CTNNA2: variants seen among roughly 807,000 people sequenced by gnomAD.
CTNNA2 encodes catenin alpha 2.
In CTNNA2, 42 loss-of-function variants were observed where a neutral mutation model predicts 101.0. The observed-to-expected ratio is 0.42, with a 90% CI of 0.32 to 0.54. The LOEUF is 0.54. Ranked by LOEUF, CTNNA2 falls within the 20% of genes least tolerant of loss-of-function variation. The pLI is 0.14. For synonymous variants in CTNNA2, 450 were observed against 456.4 expected (o/e 0.99, Z 0.18); for missense variants, 871 against 1,223.1 (o/e 0.71, Z 4.29).
chr2:80,350,396 C>T (rs1241198557), intron 7 of CTNNA2, among the ~76,000 whole-genome samples: 1 of 152,094 alleles, frequency 6.6e-6, no homozygotes, highest in East Asian at 1.9e-4. Context: ...AGATAGATGC[C>T]CGCTAATCAT....
intron 4 of CTNNA2, among the ~76,000 whole-genome samples, chr2:79,412,717 AC>A (rs1678429799): frequency 6.6e-6 from 1 of 152,134 alleles, no homozygotes; most frequent in Non-Finnish European, 1.5e-5. Context: ...GACACAGCAT[AC>A]CAGAATCTCT....
chr2:80,564,873 G>A (rs146258430), intron 12 of CTNNA2, among the ~76,000 whole-genome samples: 7 of 152,232 alleles, frequency 4.6e-5, no homozygotes, highest in African/African-American at 7.2e-5. Context: ...TTTCAACTTC[G>A]AACCTGATGT....
At chr2:79,937,626 TACAATG>T (rs1230719590) in intron 7 of CTNNA2, among the ~76,000 whole-genome samples, 1 of 152,050 alleles carries the variant, frequency 6.6e-6, no homozygotes, top group Non-Finnish European at 1.5e-5. Context: ...CAGAAAAAAA[TACAATG>T]ACATGAAAAT....
At chr2:79,202,335 A>AT (rs1247762378) in intron 2 of CTNNA2, among the ~76,000 whole-genome samples, 2 of 113,756 alleles carry the variant, frequency 1.8e-5, no homozygotes, top group African/African-American at 3.1e-5. Context: ...TTGTTTTTTT[A>AT]TTTTTTTTAT....
intron 7 of CTNNA2, among the ~76,000 whole-genome samples, chr2:79,964,115 A>G (rs1056739398): frequency 3.3e-5 from 5 of 152,174 alleles, no homozygotes; most frequent in Non-Finnish European, 7.3e-5. Context: ...CTGCATGGCC[A>G]GTTGATTCGT....
chr2:79,823,728 A>T (rs1308191619), intron 3 of CTNNA2, among the ~76,000 whole-genome samples: 1 of 152,178 alleles, frequency 6.6e-6, no homozygotes, highest in Non-Finnish European at 1.5e-5. Context: ...TTATTATAGT[A>T]ATACTGAAAT....
At chr2:80,119,770 G>A (rs779441953) in intron 7 of CTNNA2, among the ~76,000 whole-genome samples, 20 of 152,238 alleles carry the variant, frequency 1.3e-4, no homozygotes, top group Non-Finnish European at 2.6e-4. Context: ...GCTGTAAGGG[G>A]AGGAGAGATT....
At chr2:79,748,760 A>C (rs1344295063) in intron 3 of CTNNA2, among the ~76,000 whole-genome samples, 3 of 151,944 alleles carry the variant, frequency 2.0e-5, no homozygotes, top group African/African-American at 7.3e-5. Context: ...TATATCTTTT[A>C]AACCTGGCTG....
intron 4 of CTNNA2, among the ~76,000 whole-genome samples, chr2:79,406,625 A>G (rs957099281): frequency 2.0e-5 from 3 of 152,148 alleles, no homozygotes; most frequent in Middle Eastern, 3.4e-3. Context: ...AATCATGTTG[A>G]CAAGGAGTTA....
intron 3 of CTNNA2, among the ~76,000 whole-genome samples, chr2:79,836,946 T>C (rs1385529342): frequency 6.6e-6 from 1 of 152,154 alleles, no homozygotes; most frequent in Non-Finnish European, 1.5e-5. Context: ...GAACACCTAA[T>C]TCAACATGAC....
intron 3 of CTNNA2, among the ~76,000 whole-genome samples, chr2:79,802,332 CA>C (rs1676229791): frequency 6.6e-6 from 1 of 152,142 alleles, no homozygotes; most frequent in Non-Finnish European, 1.5e-5. Flanking sequence ...CATTTCTTTC[CA>C]TTTTTACAAA....
chr2:80,340,027 CT>C (rs1416264133), intron 7 of CTNNA2, among the ~76,000 whole-genome samples: 4 of 152,124 alleles, frequency 2.6e-5, no homozygotes, highest in African/African-American at 9.7e-5. Context: ...GTATATGCAG[CT>C]TTTTCATCAA....
At chr2:80,137,849 G>T (rs1022185207) in intron 7 of CTNNA2, among the ~76,000 whole-genome samples, 4 of 151,914 alleles carry the variant, frequency 2.6e-5, no homozygotes, top group Admixed American at 6.6e-5. Context: ...AAACAACAAA[G>T]TATTGTGAAT....
chr2:79,910,563 G>A (rs1407047022), intron 7 of CTNNA2, among the ~76,000 whole-genome samples: 2 of 152,188 alleles, frequency 1.3e-5, no homozygotes, highest in Non-Finnish European at 2.9e-5. Context: ...GATGATCTGT[G>A]CTTCCCCCTT....
At chr2:79,685,430 T>C (rs759444127) in intron 2 of CTNNA2, among the ~76,000 whole-genome samples, 4 of 150,862 alleles carry the variant, frequency 2.7e-5, no homozygotes, top group African/African-American at 7.5e-5. Flanking sequence ...AAATGAGAGA[T>C]AGAAGTTTCT....
At chr2:80,239,231 C>G (rs1030448115) in intron 7 of CTNNA2, among the ~76,000 whole-genome samples, 3 of 152,162 alleles carry the variant, frequency 2.0e-5, no homozygotes, top group African/African-American at 7.2e-5. Flanking sequence ...GAAGAGTGCT[C>G]TCATGCTGGG....
intron 2 of CTNNA2, among the ~76,000 whole-genome samples, chr2:79,269,015 A>T (rs1675025956): frequency 6.6e-6 from 1 of 152,026 alleles, no homozygotes; most frequent in Non-Finnish European, 1.5e-5. Context: ...GAATGGGAGC[A>T]TTTCAAGCCA....
In CTNNA2 at chr2:80,275,700, CAGAGAGAGAGAGAAAG is replaced by C. The variant is rs1673846743; in HGVS notation, c.1057-117497_1057-117482del. Among the ~76,000 whole-genome samples, 3 of 151,644 alleles carry C rather than the reference CAGAGAGAGAGAGAAAG, an allele frequency of 2.0e-5. No individual in the cohort carries two copies. The South Asian group carries it at 6.3e-4, about 32-fold the overall frequency. ...TATTCTGTCACTCTTAAGAATTTTT[CAGAGAGAGAGAGAAAG>C]AGAGAGAGAGAGAGAATAAATGTGT... is the stretch of plus-strand genomic sequence containing the variant. On this transcript the variant is annotated intron_variant, in intron 7 of 18. Coordinates refer to ENST00000402739, the MANE Select transcript of CTNNA2 (RefSeq NM_001282597.3).
At chr2:80,604,231 A>AC in intron 16 of CTNNA2, 52 bp downstream of exon 16, 14 of 1,475,640 alleles carry the variant, frequency 9.5e-6, no homozygotes, top group Non-Finnish European at 1.3e-5. Context: ...ACTAATTAGC[A>AC]CTTGGGTTTT....
Sources: allele counts gnomAD v4.1 joint callset (sites outside exome capture counted in the v4.1 genomes callset), GRCh38; gene constraint gnomAD v4.1.1; transcripts MANE v1.5; gene names NCBI Gene and HGNC (gene_info 2026-07-23, HGNC 2026-07-21).